The following INVS variants were observed in gnomAD, a reference collection of about 807,000 sequenced individuals.
INVS encodes the protein inversin, also known as inversion of embryo turning homolog.
INVS carries 86 observed loss-of-function variants against 108.8 expected under a neutral mutation model. That is an observed-to-expected ratio of 0.79 (90% CI 0.66 to 0.95). The LOEUF (loss-of-function observed/expected upper bound fraction) is 0.95, where lower values mean the gene tolerates loss of function less well. INVS is among the 40% of genes least tolerant of loss of function. The pLI, the probability that INVS is intolerant of heterozygous loss-of-function variation, is 0.00. For synonymous variants in INVS, 455 were observed against 473.5 expected (o/e 0.96, Z 0.51); for missense variants, 1,169 against 1,297.4 (o/e 0.90, Z 1.52).
At chr9:100,109,894 C>T (rs1350512780) in intron 2 of INVS, among the ~76,000 whole-genome samples, 2 of 152,118 alleles carry the variant, frequency 1.3e-5, no homozygotes, top group Non-Finnish European at 2.9e-5. Flanking sequence ...CTCGAACTCC[C>T]GACCTCAAGT....
At position 100,214,784 on chromosome 9, in the gene INVS, G is replaced by A. The variant is rs545791664; in HGVS notation, c.274-11278G>A. 3.3e-5 allele frequency: 5 copies of A among 152,344 alleles called. No homozygotes were observed. The East Asian group carries it at 5.8e-4, about 18-fold the overall frequency. 9.4% of individuals were successfully genotyped at this position (152,344 alleles called of 1,614,324 possible). ...TAAAACAGACGCAGGTCAGATGGCT[G>A]GCCTCAGCTGCTGTTTGATTCAGGT... On this transcript the variant is annotated intron_variant, in intron 3 of 16. Transcript: ENST00000262457.
chr9:100,287,995 C>A (rs1161804288), intron 13 of INVS, among the ~76,000 whole-genome samples: 1 of 152,162 alleles, frequency 6.6e-6, no homozygotes, highest in African/African-American at 2.4e-5. Context: ...CAACACCCCC[C>A]ACACCCAACA....
At chr9:100,173,152 G>C (rs10988991) in intron 3 of INVS, among the ~76,000 whole-genome samples, 1 of 152,190 alleles carries the variant, frequency 6.6e-6, no homozygotes, top group East Asian at 1.9e-4. Flanking sequence ...AAATGGTGTA[G>C]TAGCTCCTAT....
intron 3 of INVS, among the ~76,000 whole-genome samples, chr9:100,154,367 T>G (rs909598257): frequency 6.9e-4 from 81 of 116,762 alleles, no homozygotes; most frequent in Admixed American, 1.3e-3. Context: ...TTTGTAGAGA[T>G]GGGTTTTCAC....
chr9:100,273,207 G>T, intron 12 of INVS, 131 bp downstream of exon 12: 1 of 742,336 alleles, frequency 1.3e-6, no homozygotes, highest in South Asian at 1.5e-5. Flanking sequence ...CCCTGCAACC[G>T]GTCATCTTCC....
intron 3 of INVS, among the ~76,000 whole-genome samples, chr9:100,127,258 G>C (rs1827916519): frequency 1.3e-5 from 2 of 151,782 alleles, no homozygotes; most frequent in Non-Finnish European, 1.5e-5. Flanking sequence ...TGAAATATGT[G>C]GCATTAAGAA....
intron 3 of INVS, among the ~76,000 whole-genome samples, chr9:100,178,998 A>G (rs1478245934): frequency 6.6e-6 from 1 of 152,192 alleles, no homozygotes; most frequent in Admixed American, 6.5e-5. Context: ...ATTCTTGAAG[A>G]AAAGAATTTT....
chr9:100,198,520 A>C (rs1402804258), intron 3 of INVS, among the ~76,000 whole-genome samples: 2 of 150,804 alleles, frequency 1.3e-5, no homozygotes, highest in African/African-American at 4.9e-5. Context: ...CGAACTCCTG[A>C]CTTCAGGTGA....
At chr9:100,214,452 G>T (rs1830927345) in intron 3 of INVS, among the ~76,000 whole-genome samples, 1 of 152,132 alleles carries the variant, frequency 6.6e-6, no homozygotes, top group African/African-American at 2.4e-5. Context: ...TTTATTTCAG[G>T]ATTTGTCATT....
In INVS at chr9:100,117,334, G is replaced by C. The variant is rs566031257; in HGVS notation, c.107-9049G>C. ...CCTTCAAAATCTCGTCCTTGAGAGA[G>C]GCCCCCAGGAAAAAGTCAATGATCT... On this transcript the variant is annotated intron_variant, in intron 2 of 16. Transcript: ENST00000262457. The C allele has an allele frequency of 1.2e-4, 86 of 733,678 alleles. No homozygotes were observed. In the African/African-American group the frequency reaches 1.3e-3, roughly 11 times the overall value. The allele number at this position is 733,678 out of a possible 1,614,324, so 45.4% of individuals were successfully genotyped here. A position where few individuals can be genotyped will look rare whatever the true frequency, so the allele number is the denominator to read the frequency against.
At chr9:100,282,967 C>A (rs796966070) in intron 12 of INVS, among the ~76,000 whole-genome samples, 1 of 152,218 alleles carries the variant, frequency 6.6e-6, no homozygotes, top group East Asian at 1.9e-4. Flanking sequence ...CCATAATTAC[C>A]AAGACACCAG....
intron 2 of INVS, among the ~76,000 whole-genome samples, chr9:100,105,069 G>A (rs1222381915): frequency 6.6e-6 from 1 of 152,194 alleles, no homozygotes; most frequent in Non-Finnish European, 1.5e-5. Context: ...CAATGCAGGA[G>A]TTCTAGAGGA....
intron 12 of INVS, 23 bp from the exon 13 acceptor site, chr9:100,284,297 T>A: frequency 6.2e-7 from 1 of 1,613,100 alleles, no homozygotes; most frequent in Admixed American, 1.7e-5. Flanking sequence ...TTTTTTCATC[T>A]TCTTCTTTGG....
In INVS at chr9:100,235,182, G is replaced by C. The variant is rs1160810584; in HGVS notation, c.616-4878G>C. On this transcript the variant is annotated intron_variant, in intron 5 of 16. Transcript: ENST00000262457. ...GTCTGTTTTATCAGAGACTAGGATT[G>C]CAACCCCTGCTTTTTTTTTTTCTTT... Among the ~76,000 whole-genome samples, 3 of 151,324 alleles carry C rather than the reference G, an allele frequency of 2.0e-5. 1 individual carries two copies. Among genetic ancestry groups the C allele is most frequent in the Admixed American group, 2.0e-4 (3 of 15,224 alleles).
At position 100,280,969 on chromosome 9, in the gene INVS, G is replaced by A. The variant is rs545508270; in HGVS notation, c.1785-3351G>A. 7.3e-4 allele frequency among the ~76,000 whole-genome samples: 111 copies of A among 152,228 alleles called. 1 individual carries two copies. Among genetic ancestry groups the A allele is most frequent in the Non-Finnish European group, 5.9e-5 (4 of 68,022 alleles). ...TAGCCTAAAAGTTCAAGGTTACAAT[G>A]AGCTATGATTGCACCACTGCATTCC... On this transcript the variant is annotated intron_variant, in intron 12 of 16. Coordinates refer to ENST00000262457, the MANE Select transcript of INVS (RefSeq NM_014425.5).
intron 3 of INVS, among the ~76,000 whole-genome samples, chr9:100,146,569 A>T (rs1351574177): frequency 3.3e-5 from 5 of 152,178 alleles, no homozygotes; most frequent in Admixed American, 1.3e-4. Context: ...TTTGAGGTTC[A>T]TCCAAGCTGT....
chr9:100,175,508 G>T, intron 3 of INVS: 1 of 759,252 alleles, frequency 1.3e-6, no homozygotes, highest in Non-Finnish European at 2.4e-6. Flanking sequence ...TCAGCCTCCA[G>T]CAGATGCAAG....
intron 3 of INVS, among the ~76,000 whole-genome samples, chr9:100,133,037 G>A (rs781713021): frequency 5.3e-5 from 8 of 152,024 alleles, no homozygotes; most frequent in African/African-American, 9.7e-5. Context: ...CCTGGGAGGC[G>A]GAAGTTGCAG....
chr9:100,157,858 A>G (rs1463109219), intron 3 of INVS, among the ~76,000 whole-genome samples: 1 of 152,096 alleles, frequency 6.6e-6, no homozygotes, highest in African/African-American at 2.4e-5. Context: ...TCATTTCCCA[A>G]ATCATTTTTC....
Sources: gnomAD v4.1 joint callset for allele counts (sites outside exome capture counted in the v4.1 genomes callset) on GRCh38, gnomAD v4.1.1 for gene constraint, MANE v1.5 for transcripts, NCBI Gene and HGNC (gene_info 2026-07-23, HGNC 2026-07-21) for gene names.